GRM7: variants seen among roughly 807,000 people sequenced by gnomAD.
GRM7 encodes the protein glutamate metabotropic receptor 7.
In GRM7, 35 loss-of-function variants were observed where a neutral mutation model predicts 84.5. The ratio of observed to expected loss-of-function variants is 0.41; its 90% CI spans 0.32 to 0.55. GRM7 has a LOEUF of 0.55. Among genes scored for constraint, GRM7 ranks in the 20% least tolerant of loss-of-function variants. GRM7 has a pLI of 0.19. For synonymous variants in GRM7, 487 were observed against 455.1 expected, an observed-to-expected ratio of 1.07 and a Z score of -0.89; for missense variants, 1,003 against 1,194.6, an observed-to-expected ratio of 0.84 and a Z score of 2.36.
At chr3:6,891,059 G>C (rs1297001797) in intron 1 of GRM7, among the ~76,000 whole-genome samples, 1 of 152,092 alleles carries the variant, frequency 6.6e-6, no homozygotes, top group Non-Finnish European at 1.5e-5. Context: ...TGCAACCCCT[G>C]CCATTTTTTG....
chr3:7,306,377 T>G, intron 3 of GRM7, 121 bp from the exon 4 acceptor site: 1 of 768,338 alleles, frequency 1.3e-6, no homozygotes, highest in South Asian at 1.7e-5. Flanking sequence ...TTTATCAAGT[T>G]TTTTGCAATT....
At chr3:7,670,313 C>T (rs1022205683) in intron 8 of GRM7, among the ~76,000 whole-genome samples, 1 of 152,088 alleles carries the variant, frequency 6.6e-6, no homozygotes, top group Non-Finnish European at 1.5e-5. Flanking sequence ...AGTCCAACAG[C>T]AACAGAGGAA....
At chr3:7,511,017 C>A (rs1202721523) in intron 7 of GRM7, among the ~76,000 whole-genome samples, 1 of 152,108 alleles carries the variant, frequency 6.6e-6, no homozygotes, top group East Asian at 1.9e-4. Flanking sequence ...TTAGGGTGGT[C>A]AGAATTCCTT....
At chr3:7,446,417 A>G (rs1373437571) in intron 5 of GRM7, among the ~76,000 whole-genome samples, 2 of 150,824 alleles carry the variant, frequency 1.3e-5, no homozygotes, top group African/African-American at 4.9e-5. Context: ...TTTCCTTTTG[A>G]AACACGATTT....
intron 7 of GRM7, among the ~76,000 whole-genome samples, chr3:7,489,924 A>G (rs1699460377): frequency 6.6e-6 from 1 of 151,684 alleles, no homozygotes; most frequent in Non-Finnish European, 1.5e-5. Flanking sequence ...TATAATATTA[A>G]ATGGAGCATA....
intron 1 of GRM7, among the ~76,000 whole-genome samples, chr3:6,935,254 T>C (rs1008616037): frequency 8.5e-5 from 13 of 152,166 alleles, no homozygotes; most frequent in Non-Finnish European, 1.6e-4. Context: ...GCCTTAAATG[T>C]GTACTATCCA....
chr3:7,208,406 T>A (rs1696309165), intron 2 of GRM7, among the ~76,000 whole-genome samples: 1 of 152,172 alleles, frequency 6.6e-6, no homozygotes, highest in Non-Finnish European at 1.5e-5. Context: ...CTGTTCTCCT[T>A]GCTGGTGCGT....
At chr3:7,577,288 C>T (rs1289954325) in intron 7 of GRM7, among the ~76,000 whole-genome samples, 1 of 152,138 alleles carries the variant, frequency 6.6e-6, no homozygotes, top group African/African-American at 2.4e-5. Context: ...CAGGGCACAC[C>T]TCAGATCCAA....
intron 1 of GRM7, among the ~76,000 whole-genome samples, chr3:6,878,898 C>T (rs1695410906): frequency 6.6e-6 from 1 of 152,174 alleles, no homozygotes; most frequent in South Asian, 2.1e-4. Flanking sequence ...GCATTTCTAA[C>T]CAGTTCCCAG....
intron 2 of GRM7, among the ~76,000 whole-genome samples, chr3:7,167,291 G>A (rs941840255): frequency 1.8e-4 from 28 of 152,240 alleles, no homozygotes; most frequent in African/African-American, 6.5e-4. Context: ...AGTTTCTTAC[G>A]GAGCCTGTGA....
chr3:7,629,060 AAT>A (rs1330814529), intron 8 of GRM7, among the ~76,000 whole-genome samples: 2 of 152,206 alleles, frequency 1.3e-5, no homozygotes, highest in African/African-American at 4.8e-5. Flanking sequence ...CCTAACAGGT[AAT>A]ATTATTTATG....
chr3:7,396,650 G>T (rs992972778), intron 4 of GRM7, among the ~76,000 whole-genome samples: 10 of 152,070 alleles, frequency 6.6e-5, no homozygotes, highest in Admixed American at 1.3e-4. Context: ...AGTTATTTAA[G>T]AATCGCATTT....
chr3:6,876,236 C>T (rs911270598), intron 1 of GRM7, among the ~76,000 whole-genome samples: 30 of 151,960 alleles, frequency 2.0e-4, no homozygotes, highest in African/African-American at 6.8e-4. Context: ...CCACTGCACT[C>T]CAATCTGGGT....
chr3:7,538,675 T>C (rs376388713), intron 7 of GRM7, among the ~76,000 whole-genome samples: 1 of 152,004 alleles, frequency 6.6e-6, no homozygotes, highest in African/African-American at 2.4e-5. Flanking sequence ...GTCTGAGTAT[T>C]ATAGCAATAT....
chr3:6,883,979 A>G (rs1426152665), intron 1 of GRM7, among the ~76,000 whole-genome samples: 1 of 152,252 alleles, frequency 6.6e-6, no homozygotes, highest in East Asian at 1.9e-4. Context: ...TATAGCCATT[A>G]AAGTCAGTGT....
chr3:7,528,903 T>A (rs1295228206), intron 7 of GRM7, among the ~76,000 whole-genome samples: 1 of 152,086 alleles, frequency 6.6e-6, no homozygotes, highest in Non-Finnish European at 1.5e-5. Flanking sequence ...TTAGTTTTTT[T>A]AAATTTATTG....
At chr3:7,327,982 T>C (rs1405162645) in intron 4 of GRM7, among the ~76,000 whole-genome samples, 1 of 152,044 alleles carries the variant, frequency 6.6e-6, no homozygotes, top group Non-Finnish European at 1.5e-5. Flanking sequence ...AACAACACTT[T>C]GAGAGGTGAT....
chr3:7,031,432 T>C (rs1353017667), intron 1 of GRM7, among the ~76,000 whole-genome samples: 1 of 151,766 alleles, frequency 6.6e-6, no homozygotes, highest in Non-Finnish European at 1.5e-5. Flanking sequence ...ATTTATTTAT[T>C]TTGAGATGGA....
chr3:7,324,109 G>T (rs1295168197), intron 4 of GRM7, among the ~76,000 whole-genome samples: 1 of 152,112 alleles, frequency 6.6e-6, no homozygotes, highest in African/African-American at 2.4e-5. Flanking sequence ...AACCACCTGT[G>T]AAACAAACCT....
Sources: gnomAD v4.1 joint callset for allele counts (sites outside exome capture counted in the v4.1 genomes callset) on GRCh38, gnomAD v4.1.1 for gene constraint, MANE v1.5 for transcripts, NCBI Gene and HGNC (gene_info 2026-07-23, HGNC 2026-07-21) for gene names.